Variants in ST6GALNAC3 observed in about 807,000 individuals in gnomAD.
ST6GALNAC3 encodes the protein ST6 N-acetylgalactosaminide alpha-2,6-sialyltransferase 3.
ST6GALNAC3 carries 25 observed loss-of-function variants against 32.7 expected under a neutral mutation model. The observed-to-expected ratio is 0.76, with a 90% CI of 0.56 to 1.07. ST6GALNAC3 has a LOEUF of 1.07. Among genes scored for constraint, ST6GALNAC3 ranks in the 50% least tolerant of loss-of-function variants. The pLI, the probability that ST6GALNAC3 is intolerant of heterozygous loss-of-function variation, is 0.00. For missense variants in ST6GALNAC3, 355 were observed against 382.4 expected (o/e 0.93, Z 0.60); for synonymous variants, 129 against 133.1 (o/e 0.97, Z 0.21).
At chr1:76,496,158 T>C (rs1288328794) in intron 3 of ST6GALNAC3, among the ~76,000 whole-genome samples, 2 of 152,150 alleles carry the variant, frequency 1.3e-5, no homozygotes, top group African/African-American at 4.8e-5. Flanking sequence ...TCCCTCCATA[T>C]GGAAAAATCT....
At chr1:76,126,515 A>G (rs1330684199) in intron 1 of ST6GALNAC3, among the ~76,000 whole-genome samples, 1 of 150,286 alleles carries the variant, frequency 6.7e-6, no homozygotes, top group East Asian at 2.0e-4. Context: ...AAGTGAATAC[A>G]TTTCATGATA....
intron 3 of ST6GALNAC3, among the ~76,000 whole-genome samples, chr1:76,546,794 C>T (rs1033793225): frequency 5.3e-5 from 8 of 152,152 alleles, no homozygotes; most frequent in African/African-American, 1.7e-4. Context: ...CAGAAGGGCA[C>T]GGAATAACAG....
chr1:76,421,669 C>A (rs34530096), intron 3 of ST6GALNAC3, among the ~76,000 whole-genome samples: 29,476 of 151,836 alleles, frequency 0.19, 3,408 homozygotes, highest in East Asian at 0.28. Flanking sequence ...TCTTTGGTAA[C>A]AAAGAAAATA....
intron 3 of ST6GALNAC3, among the ~76,000 whole-genome samples, chr1:76,601,577 C>T (rs932785020): frequency 3.9e-5 from 6 of 152,158 alleles, no homozygotes; most frequent in African/African-American, 1.4e-4. Context: ...CAAGTGCTGG[C>T]CTGAAGCTAA....
intron 3 of ST6GALNAC3, among the ~76,000 whole-genome samples, chr1:76,526,847 T>G (rs1424027916): frequency 2.0e-5 from 3 of 152,128 alleles, no homozygotes; most frequent in African/African-American, 7.2e-5. Context: ...AACTGTATTG[T>G]TTATGATGTT....
At chr1:76,503,539 G>T (rs1661304840) in intron 3 of ST6GALNAC3, among the ~76,000 whole-genome samples, 1 of 152,212 alleles carries the variant, frequency 6.6e-6, no homozygotes, top group African/African-American at 2.4e-5. Context: ...CTTTTACAGA[G>T]AATACAGTCT....
intron 3 of ST6GALNAC3, among the ~76,000 whole-genome samples, chr1:76,500,648 C>CGAGATTG (rs945197887): frequency 6.6e-6 from 1 of 152,036 alleles, no homozygotes; most frequent in African/African-American, 2.4e-5. Flanking sequence ...TCATGTTGAC[C>CGAGATTG]GAGATTGTTT....
chr1:76,372,374 GCACA>G (rs1343295514), intron 2 of ST6GALNAC3, among the ~76,000 whole-genome samples: 1 of 151,568 alleles, frequency 6.6e-6, no homozygotes, highest in Non-Finnish European at 1.5e-5. Flanking sequence ...ACACACACGC[GCACA>G]CACACACATT....
intron 3 of ST6GALNAC3, among the ~76,000 whole-genome samples, chr1:76,549,376 A>G (rs1164339516): frequency 1.3e-5 from 2 of 151,982 alleles, no homozygotes; most frequent in African/African-American, 4.8e-5. Context: ...ATGACTATAT[A>G]TGTACATAGT....
intron 3 of ST6GALNAC3, among the ~76,000 whole-genome samples, chr1:76,424,459 G>A (rs1039943140): frequency 2.0e-5 from 3 of 151,196 alleles, no homozygotes; most frequent in African/African-American, 7.3e-5. Context: ...GCACATTGTG[G>A]GTGTTCAATA....
intron 3 of ST6GALNAC3, among the ~76,000 whole-genome samples, chr1:76,553,772 C>T (rs1664766836): frequency 6.6e-6 from 1 of 152,156 alleles, no homozygotes; most frequent in Non-Finnish European, 1.5e-5. Context: ...CGATGTTCTG[C>T]TCAATAAGTA....
At chr1:76,306,002 T>C (rs1175515524) in intron 1 of ST6GALNAC3, 1 of 486,722 alleles carries the variant, frequency 2.1e-6, no homozygotes, top group East Asian at 5.6e-5. Context: ...GTTCAGAAAT[T>C]TTAAAAACTG....
intron 1 of ST6GALNAC3, among the ~76,000 whole-genome samples, chr1:76,241,648 T>C (rs1656973388): frequency 6.6e-6 from 1 of 152,196 alleles, no homozygotes; most frequent in Non-Finnish European, 1.5e-5. Flanking sequence ...GAAATGTGGA[T>C]AGTCTGAATT....
chr1:76,453,360 G>T (rs1657542754), intron 3 of ST6GALNAC3, among the ~76,000 whole-genome samples: 1 of 152,036 alleles, frequency 6.6e-6, no homozygotes, highest in African/African-American at 2.4e-5. Flanking sequence ...TCCTTGAGGT[G>T]TGACCTTATA....
chr1:76,518,015 T>C, intron 3 of ST6GALNAC3, among the ~76,000 whole-genome samples: 1 of 152,068 alleles, frequency 6.6e-6, no homozygotes, highest in South Asian at 2.1e-4. Flanking sequence ...CATTTTTGTT[T>C]GTTGGATATA....
intron 3 of ST6GALNAC3, among the ~76,000 whole-genome samples, chr1:76,441,501 A>G (rs1284949594): frequency 6.6e-6 from 1 of 152,166 alleles, no homozygotes; most frequent in East Asian, 1.9e-4. Flanking sequence ...ATGGAGAGAT[A>G]GTAGATGTAC....
At chr1:76,499,836 A>G (rs1406575217) in intron 3 of ST6GALNAC3, among the ~76,000 whole-genome samples, 2 of 152,186 alleles carry the variant, frequency 1.3e-5, no homozygotes, top group Non-Finnish European at 2.9e-5. Flanking sequence ...CTGAAGATAC[A>G]TCTGAGAAAG....
chr1:76,289,750 C>T (rs962489567), intron 1 of ST6GALNAC3, among the ~76,000 whole-genome samples: 3 of 152,232 alleles, frequency 2.0e-5, no homozygotes, highest in Non-Finnish European at 4.4e-5. Context: ...GTTTAATCAA[C>T]AGGCTTTTTA....
chr1:76,136,026 T>C (rs965200659), intron 1 of ST6GALNAC3, among the ~76,000 whole-genome samples: 1 of 152,206 alleles, frequency 6.6e-6, no homozygotes, highest in African/African-American at 2.4e-5. Flanking sequence ...TGCTTGCTCA[T>C]GTGCAGTCTG....
Sources: allele counts gnomAD v4.1 joint callset (sites outside exome capture counted in the v4.1 genomes callset), GRCh38; gene constraint gnomAD v4.1.1; transcripts MANE v1.5; gene names NCBI Gene and HGNC (gene_info 2026-07-23, HGNC 2026-07-21).